The following KCNT2 variants were observed in gnomAD, a reference collection of about 807,000 sequenced individuals.
KCNT2 encodes the protein potassium sodium-activated channel subfamily T member 2.
In KCNT2, 67 loss-of-function variants were observed where a neutral mutation model predicts 153.8. That is an observed-to-expected ratio of 0.44 (90% CI 0.36 to 0.53). The LOEUF (loss-of-function observed/expected upper bound fraction) is 0.53, where lower values mean the gene tolerates loss of function less well. Among genes scored for constraint, KCNT2 ranks in the 20% least tolerant of loss-of-function variants. KCNT2 has a pLI of 0.00. For missense variants in KCNT2, 975 were observed against 1,354.8 expected, an observed-to-expected ratio of 0.72 and a Z score of 4.40; for synonymous variants, 500 against 458.8, an observed-to-expected ratio of 1.09 and a Z score of -1.15.
At chr1:196,265,770 C>T (rs897369263) in intron 25 of KCNT2, among the ~76,000 whole-genome samples, 3 of 152,138 alleles carry the variant, frequency 2.0e-5, no homozygotes, top group African/African-American at 7.2e-5. Context: ...TCCATAACAG[C>T]ACAGTTCCTG....
chr1:196,237,076 C>A (rs958617734), intron 26 of KCNT2, among the ~76,000 whole-genome samples: 4 of 151,408 alleles, frequency 2.6e-5, no homozygotes, highest in Admixed American at 2.6e-4. Context: ...AAGTTTCATA[C>A]CAGTCTAAGA....
At chr1:196,303,197 T>C (rs1244279818) in intron 22 of KCNT2, among the ~76,000 whole-genome samples, 1 of 152,162 alleles carries the variant, frequency 6.6e-6, no homozygotes, top group Admixed American at 6.5e-5. Context: ...CAGTTTTGCA[T>C]TCCAGGAATG....
chr1:196,477,338 C>T (rs946218381), intron 5 of KCNT2, among the ~76,000 whole-genome samples: 1 of 152,054 alleles, frequency 6.6e-6, no homozygotes, highest in Non-Finnish European at 1.5e-5. Flanking sequence ...GTAACCCAAG[C>T]CCTTTGGGAG....
At chr1:196,233,060 C>A (rs1164323415) in intron 27 of KCNT2, among the ~76,000 whole-genome samples, 1 of 150,978 alleles carries the variant, frequency 6.6e-6, no homozygotes, top group Non-Finnish European at 1.5e-5. Flanking sequence ...AATGTGGATG[C>A]CATGAAAAAA....
chr1:196,602,745 A>G (rs1572950393), intron 1 of KCNT2, among the ~76,000 whole-genome samples: 4 of 142,476 alleles, frequency 2.8e-5, no homozygotes, highest in Admixed American at 6.9e-5. Context: ...CATTTTATGT[A>G]TTACACTATA....
intron 25 of KCNT2, among the ~76,000 whole-genome samples, chr1:196,262,709 G>T (rs1278953056): frequency 6.6e-6 from 1 of 151,988 alleles, no homozygotes; most frequent in African/African-American, 2.4e-5. Context: ...TGTGATCTAT[G>T]CAGAGAAAGA....
intron 1 of KCNT2, among the ~76,000 whole-genome samples, chr1:196,593,295 A>AATATATATATATAT (rs200795914): frequency 5.1e-4 from 66 of 128,796 alleles, no homozygotes; most frequent in African/African-American, 1.8e-3. Context: ...TCATATATAT[A>AATATATATATATAT]ATATATATAT....
At chr1:196,498,945 G>A (rs1460904148) in intron 1 of KCNT2, among the ~76,000 whole-genome samples, 1 of 152,104 alleles carries the variant, frequency 6.6e-6, no homozygotes, top group Non-Finnish European at 1.5e-5. Context: ...AACTTATTTG[G>A]GAATGAGGTC....
intron 14 of KCNT2, among the ~76,000 whole-genome samples, chr1:196,369,377 A>C (rs1011630711): frequency 6.6e-6 from 1 of 151,922 alleles, no homozygotes; most frequent in Non-Finnish European, 1.5e-5. Flanking sequence ...CACATTGTGC[A>C]GGTTAGTTAC....
intron 1 of KCNT2, among the ~76,000 whole-genome samples, chr1:196,607,102 G>A (rs772119260): frequency 6.6e-6 from 1 of 152,164 alleles, no homozygotes; most frequent in Non-Finnish European, 1.5e-5. Flanking sequence ...TCCTCAGTGT[G>A]TAGAGACAGG....
chr1:196,336,902 T>G (rs143891288), intron 16 of KCNT2, among the ~76,000 whole-genome samples: 1 of 152,296 alleles, frequency 6.6e-6, no homozygotes, highest in East Asian at 1.9e-4. Context: ...TTGGTCTCCT[T>G]TGCTGGTTTC....
chr1:196,356,085 G>T (rs1317869872), intron 14 of KCNT2, among the ~76,000 whole-genome samples: 1 of 151,682 alleles, frequency 6.6e-6, no homozygotes, highest in African/African-American at 2.4e-5. Flanking sequence ...TCCTATTGCT[G>T]TTATTTACAT....
intron 26 of KCNT2, among the ~76,000 whole-genome samples, chr1:196,239,417 GAA>G (rs1308214180): frequency 6.6e-6 from 1 of 151,684 alleles, no homozygotes; most frequent in African/African-American, 2.4e-5. Context: ...CATTTACAAA[GAA>G]ACTTCTTTTG....
intron 1 of KCNT2, among the ~76,000 whole-genome samples, chr1:196,585,520 G>A (rs541411443): frequency 6.6e-6 from 1 of 151,980 alleles, no homozygotes; most frequent in Admixed American, 6.6e-5. Flanking sequence ...TAATTCAATT[G>A]CCCAAATAAA....
chr1:196,321,823 T>C (rs1336939422), intron 19 of KCNT2, among the ~76,000 whole-genome samples: 1 of 151,980 alleles, frequency 6.6e-6, no homozygotes, highest in Non-Finnish European at 1.5e-5. Flanking sequence ...ACATAAAGAA[T>C]AAATAAATTG....
intron 22 of KCNT2, among the ~76,000 whole-genome samples, chr1:196,295,463 T>C (rs1372593092): frequency 6.7e-6 from 1 of 150,078 alleles, no homozygotes; most frequent in Non-Finnish European, 1.5e-5. Flanking sequence ...CATGATAAGG[T>C]AAAGTCTGAA....
At position 196,422,085 on chromosome 1, in the gene KCNT2, A is replaced by G. The variant is rs550809918; in HGVS notation, c.1185+965T>C. On this transcript the variant is annotated intron_variant, in intron 12 of 27. Coordinates refer to ENST00000294725, the MANE Select transcript of KCNT2 (RefSeq NM_198503.5). The stretch of plus-strand genomic sequence containing the variant: ...TTCAACGCAGGAATTTTGTAGGCCC[A>G]CAATTCAGCTAATAGCAGCCCACTC... Among the ~76,000 whole-genome samples the G allele has an allele frequency of 7.9e-5, 12 of 152,148 alleles. No individual in the cohort carries two copies. In the East Asian group the frequency reaches 1.9e-3, roughly 25 times the overall value.
intron 1 of KCNT2, among the ~76,000 whole-genome samples, chr1:196,540,247 T>A (rs1656171478): frequency 1.3e-5 from 2 of 152,120 alleles, no homozygotes; most frequent in South Asian, 4.1e-4. Context: ...TCAAAAATAA[T>A]CTCTTAATAC....
chr1:196,545,226 A>C (rs778617604), intron 1 of KCNT2, among the ~76,000 whole-genome samples: 11 of 152,106 alleles, frequency 7.2e-5, no homozygotes, highest in Non-Finnish European at 1.5e-4. Flanking sequence ...AAAATTGTCC[A>C]GGTTCAGATT....
Sources: gnomAD v4.1 joint callset for allele counts (sites outside exome capture counted in the v4.1 genomes callset) on GRCh38, gnomAD v4.1.1 for gene constraint, MANE v1.5 for transcripts, NCBI Gene and HGNC (gene_info 2026-07-23, HGNC 2026-07-21) for gene names.